Variants in PTPRG observed in about 807,000 individuals in gnomAD.
The protein encoded by PTPRG is receptor-type tyrosine-protein phosphatase gamma.
PTPRG carries 102 observed loss-of-function variants against 165.3 expected under a neutral mutation model. The ratio of observed to expected loss-of-function variants is 0.62; its 90% CI spans 0.53 to 0.73. PTPRG has a LOEUF of 0.73. Among genes scored for constraint, PTPRG ranks in the 30% least tolerant of loss-of-function variants. The pLI is 0.00. For synonymous variants in PTPRG, 675 were observed against 669.5 expected (o/e 1.01, Z -0.13); for missense variants, 1,866 against 1,861.4 (o/e 1.00, Z -0.05).
chr3:62,067,616 C>T (rs1701059663), intron 4 of PTPRG, among the ~76,000 whole-genome samples: 1 of 152,086 alleles, frequency 6.6e-6, no homozygotes, highest in South Asian at 2.1e-4. Flanking sequence ...AGTAGATGGT[C>T]CCATCTAGGG....
chr3:61,708,401 A>AACTTCG lies in PTPRG; in HGVS notation c.86-40472_86-40471insGACTTC, dbSNP rs549961826. Among the ~76,000 whole-genome samples the AACTTCG allele has an allele frequency of 3.8e-3, 570 of 150,946 alleles. 6 individuals are homozygous for AACTTCG. The highest frequency in any genetic ancestry group is 0.013 in the African/African-American group (543 of 41,032). On this transcript the variant is annotated intron_variant, in intron 1 of 29. Coordinates refer to ENST00000474889, the MANE Select transcript of PTPRG (RefSeq NM_002841.4). ...AACTGGGGGATCATTAGCTCACCAAAACTTCTTATATCTTCCCTAATGAAC... is the reference window on the plus strand; with the variant it reads ...AACTGGGGGATCATTAGCTCACCAAAACTTCGACTTCTTATATCTTCCCTAATGAAC...
At chr3:62,084,299 T>C (rs2106774633) in intron 5 of PTPRG, among the ~76,000 whole-genome samples, 1 of 152,356 alleles carries the variant, frequency 6.6e-6, no homozygotes, top group African/African-American at 2.4e-5. Flanking sequence ...CGTCACCAAC[T>C]CTACTGCAGT....
intron 3 of PTPRG, among the ~76,000 whole-genome samples, chr3:61,998,285 A>T (rs910012204): frequency 6.6e-6 from 1 of 152,260 alleles, no homozygotes; most frequent in East Asian, 1.9e-4. Flanking sequence ...TCTTTACATC[A>T]TGGGGAGCCC....
intron 5 of PTPRG, among the ~76,000 whole-genome samples, chr3:62,117,544 C>T (rs1382022132): frequency 1.3e-5 from 2 of 152,086 alleles, no homozygotes; most frequent in Non-Finnish European, 1.5e-5. Context: ...AAAACTTGTG[C>T]AGTTTTTTAT....
At chr3:61,576,915 A>T (rs1159837520) in intron 1 of PTPRG, among the ~76,000 whole-genome samples, 2 of 152,198 alleles carry the variant, frequency 1.3e-5, no homozygotes, top group Non-Finnish European at 2.9e-5. Context: ...TTCAAAGCCC[A>T]GGGGTTTTGC....
intron 1 of PTPRG, among the ~76,000 whole-genome samples, chr3:61,727,982 C>T (rs1321439075): frequency 6.6e-6 from 1 of 152,182 alleles, no homozygotes; most frequent in East Asian, 1.9e-4. Flanking sequence ...GGTAGCTGAA[C>T]CATTTGTGAT....
intron 1 of PTPRG, among the ~76,000 whole-genome samples, chr3:61,712,651 A>C (rs1431745590): frequency 6.6e-6 from 1 of 152,112 alleles, no homozygotes; most frequent in South Asian, 2.1e-4. Flanking sequence ...CCATGATTGT[A>C]AGTTTCCTGA....
intron 1 of PTPRG, among the ~76,000 whole-genome samples, chr3:61,678,503 T>C (rs1324767075): frequency 6.6e-6 from 1 of 152,112 alleles, no homozygotes; most frequent in South Asian, 2.1e-4. Context: ...TCCCTTCTTA[T>C]TTGGAAAGAA....
intron 2 of PTPRG, among the ~76,000 whole-genome samples, chr3:61,890,423 G>GGTTTTTGTTTTTTTTTTTTTTTTTTTT: frequency 8.4e-6 from 1 of 119,230 alleles, no homozygotes; most frequent in Non-Finnish European, 1.7e-5. Flanking sequence ...TTTTTTTTTT[G>GGTTTTTGTTTTTTTTTTTTTTTTTTTT]TTTTTTTTTT....
intron 5 of PTPRG, among the ~76,000 whole-genome samples, chr3:62,092,093 C>G (rs1451763081): frequency 3.5e-5 from 5 of 140,860 alleles, no homozygotes; most frequent in African/African-American, 1.4e-4. Flanking sequence ...CACACACACA[C>G]ACACACACAC....
At position 62,224,003 on chromosome 3, in the gene PTPRG, C is replaced by A. The variant is rs1700707705; in HGVS notation, c.2288+5020C>A. Among the ~76,000 whole-genome samples the A allele has an allele frequency of 6.6e-6, 1 of 152,072 alleles. No homozygotes were observed. Among genetic ancestry groups the A allele is most frequent in the Non-Finnish European group, 1.5e-5 (1 of 68,032 alleles). Reference sequence around the variant, plus strand: ...CTCATCTGTTTAGAGCTAAATATAGCATAAATGTAGGTTAACCAACTGAGC... The same window carrying A: ...CTCATCTGTTTAGAGCTAAATATAGAATAAATGTAGGTTAACCAACTGAGC... On this transcript the variant is annotated intron_variant, in intron 13 of 29. Transcript: ENST00000474889. The surrounding 1 kb of genome is among the most constrained non-coding windows in gnomAD (Gnocchi z 4.9).
chr3:61,631,082 T>G (rs1559531908), intron 1 of PTPRG, among the ~76,000 whole-genome samples: 1 of 146,148 alleles, frequency 6.8e-6, no homozygotes, highest in African/African-American at 2.5e-5. Flanking sequence ...AAAAAAAAAG[T>G]TTTTTTTTTT....
intron 2 of PTPRG, among the ~76,000 whole-genome samples, chr3:61,983,513 TAGAC>T (rs1267716906): frequency 6.6e-6 from 1 of 152,172 alleles, no homozygotes; most frequent in African/African-American, 2.4e-5. Context: ...TAATTAGATT[TAGAC>T]AGAATTCATT....
At chr3:61,601,242 G>C (rs145188577) in intron 1 of PTPRG, among the ~76,000 whole-genome samples, 1 of 152,094 alleles carries the variant, frequency 6.6e-6, no homozygotes, top group African/African-American at 2.4e-5. Context: ...GGTGACAGAC[G>C]GGGACTCTGT....
At chr3:61,779,670 T>G (rs1304873601) in intron 2 of PTPRG, among the ~76,000 whole-genome samples, 1 of 152,074 alleles carries the variant, frequency 6.6e-6, no homozygotes, top group African/African-American at 2.4e-5. Context: ...ATTTTCATAT[T>G]TTAGCTCTTG....
intron 2 of PTPRG, among the ~76,000 whole-genome samples, chr3:61,908,053 C>G (rs1295537974): frequency 7.1e-6 from 1 of 140,802 alleles, no homozygotes; most frequent in East Asian, 2.2e-4. Flanking sequence ...CCCAAGAGTT[C>G]GAGGCTATAG....
At chr3:61,898,205 T>G (rs1322073000) in intron 2 of PTPRG, among the ~76,000 whole-genome samples, 1 of 152,128 alleles carries the variant, frequency 6.6e-6, no homozygotes, top group Non-Finnish European at 1.5e-5. Flanking sequence ...TCTCTGTAGG[T>G]GTTCCTTCTG....
intron 2 of PTPRG, among the ~76,000 whole-genome samples, chr3:61,783,656 A>C (rs977985282): frequency 6.6e-6 from 1 of 151,924 alleles, no homozygotes; most frequent in Non-Finnish European, 1.5e-5. Flanking sequence ...GGGAGTGGGG[A>C]GCTGGCAGCA....
intron 2 of PTPRG, among the ~76,000 whole-genome samples, chr3:61,964,936 A>G (rs562620372): frequency 6.6e-6 from 1 of 152,254 alleles, no homozygotes; most frequent in East Asian, 1.9e-4. Context: ...AAATGATATA[A>G]TTTTGTAGTT....
Sources: gnomAD v4.1 joint callset for allele counts (sites outside exome capture counted in the v4.1 genomes callset) on GRCh38, gnomAD v4.1.1 for gene constraint, Gnocchi (gnomAD v3.1) non-coding constraint, MANE v1.5 for transcripts, NCBI Gene and HGNC (gene_info 2026-07-23, HGNC 2026-07-21) for gene names.